TFPI: variants seen among roughly 807,000 people sequenced by gnomAD.
The protein encoded by TFPI is tissue factor pathway inhibitor.
A neutral mutation model predicts 34.6 loss-of-function variants in TFPI; 15 were observed. The ratio of observed to expected loss-of-function variants is 0.43; its 90% CI spans 0.29 to 0.67. TFPI has a LOEUF of 0.67. Ranked by LOEUF, TFPI falls within the 30% of genes least tolerant of loss-of-function variation. The pLI is 0.15. For synonymous variants in TFPI, 105 were observed against 120.1 expected (o/e 0.87, Z 0.82); for missense variants, 301 against 364.0 (o/e 0.83, Z 1.41).
intron 1 of TFPI, among the ~76,000 whole-genome samples, chr2:187,508,292 G>A (rs1686368577): frequency 6.6e-6 from 1 of 152,096 alleles, no homozygotes; most frequent in Admixed American, 6.5e-5. Flanking sequence ...TTGGCTATAT[G>A]GGCTGTTTTT....
chr2:187,512,387 T>C (rs1473365367), intron 1 of TFPI, among the ~76,000 whole-genome samples: 2 of 151,910 alleles, frequency 1.3e-5, no homozygotes, highest in Non-Finnish European at 2.9e-5. Flanking sequence ...CATTAACTAC[T>C]GAAAATTCCC....
chr2:187,469,171 A>T (rs8176586), intron 6 of TFPI, among the ~76,000 whole-genome samples: 8 of 152,104 alleles, frequency 5.3e-5, no homozygotes, highest in Non-Finnish European at 1.2e-4. Context: ...GAGTGTCTTG[A>T]TATAGTAACT....
At chr2:187,510,274 A>G (rs1235975772) in intron 1 of TFPI, among the ~76,000 whole-genome samples, 2 of 152,168 alleles carry the variant, frequency 1.3e-5, no homozygotes, top group East Asian at 1.9e-4. Context: ...GCACTCTACA[A>G]CTATTCTTCC....
At chr2:187,541,131 A>T (rs1399203196) in intron 1 of TFPI, among the ~76,000 whole-genome samples, 1 of 152,190 alleles carries the variant, frequency 6.6e-6, no homozygotes, top group Non-Finnish European at 1.5e-5. Context: ...TGTAAGACAT[A>T]AAACTAAAAA....
chr2:187,503,575 C>T, intron 2 of TFPI, 73 bp downstream of exon 2: 1 of 1,535,332 alleles, frequency 6.5e-7, no homozygotes, highest in Non-Finnish European at 8.8e-7. Flanking sequence ...CAATGGAAAA[C>T]TATGGTAGAT....
At chr2:187,488,464 T>G (rs1693453636) in intron 3 of TFPI, 89 bp from the exon 4 acceptor site, 1 of 760,070 alleles carries the variant, frequency 1.3e-6, no homozygotes, top group Non-Finnish European at 2.0e-6. Context: ...AGTGACATAT[T>G]TATTACCATT....
chr2:187,488,610 A>C (rs1693467885), intron 3 of TFPI, among the ~76,000 whole-genome samples: 1 of 151,420 alleles, frequency 6.6e-6, no homozygotes, highest in African/African-American at 2.4e-5. Flanking sequence ...ACTATGATAA[A>C]ACTTTCTAAC....
rs1283283533 is a variant in TFPI, at chr2:187,524,001, T to C, written c.-2-20231A>G. ...TGAAAGCTTTAGTTAAATGGAATAA[T>C]ATAATATCTGGCCTACTATGTCTGG... On this transcript the variant is annotated intron_variant, in intron 1 of 7. Coordinates refer to ENST00000233156, the MANE Select transcript of TFPI (RefSeq NM_006287.6). 2.0e-5 allele frequency among the ~76,000 whole-genome samples: 3 copies of C among 152,250 alleles called. No homozygotes were observed. The East Asian group carries it at 5.8e-4, about 29-fold the overall frequency.
intron 1 of TFPI, among the ~76,000 whole-genome samples, chr2:187,532,280 G>T (rs1406592304): frequency 1.3e-5 from 2 of 152,184 alleles, no homozygotes; most frequent in Non-Finnish European, 2.9e-5. Flanking sequence ...TAACTTTTGA[G>T]TTGCAGGCAA....
chr2:187,477,885 G>T (rs561184163), intron 6 of TFPI, among the ~76,000 whole-genome samples: 8 of 152,276 alleles, frequency 5.3e-5, no homozygotes, highest in African/African-American at 1.9e-4. Flanking sequence ...AGTAGCAAAA[G>T]GATCTTCAGG....
At position 187,497,094 on chromosome 2, in the gene TFPI, A is replaced by G. The variant is rs754556999; in HGVS notation, c.122-16T>C. ...AACTCCGTATCTATAAAGTAAAAAT[A>G]AAAGATATAACATGTAATCTCCATC... On this transcript the variant is annotated splice_polypyrimidine_tract_variant and intron_variant, in intron 2 of 7. Transcript: ENST00000233156. 4 of 1,599,020 alleles carry G rather than the reference A, an allele frequency of 2.5e-6. No homozygotes were observed. Among genetic ancestry groups the G allele is most frequent in the South Asian group, 1.1e-5 (1 of 89,828 alleles).
chr2:187,492,819 G>A (rs1436835403), intron 3 of TFPI, among the ~76,000 whole-genome samples: 1 of 152,158 alleles, frequency 6.6e-6, no homozygotes, highest in Non-Finnish European at 1.5e-5. Context: ...GATTTTACAA[G>A]CTCCTAGGCA....
At chr2:187,517,014 T>C (rs1348867799) in intron 1 of TFPI, 2 of 152,220 alleles carry the variant, frequency 1.3e-5, no homozygotes, top group African/African-American at 2.4e-5. Context: ...CCAGGCTGAA[T>C]AAAGCTCCTT....
intron 6 of TFPI, among the ~76,000 whole-genome samples, chr2:187,472,754 G>C (rs893043864): frequency 1.3e-5 from 2 of 152,212 alleles, no homozygotes; most frequent in Non-Finnish European, 2.9e-5. Context: ...GCTCACACCT[G>C]TAATCCCAGC....
At chr2:187,508,568 G>A (rs1005840209) in intron 1 of TFPI, among the ~76,000 whole-genome samples, 3 of 151,992 alleles carry the variant, frequency 2.0e-5, no homozygotes, top group Non-Finnish European at 2.9e-5. Context: ...TCTCTTTGTC[G>A]CAATTGTGAA....
At chr2:187,520,663 G>A (rs1196387708) in intron 1 of TFPI, 1 of 152,062 alleles carries the variant, frequency 6.6e-6, no homozygotes, top group African/African-American at 2.4e-5. Context: ...TTAAAAGAAT[G>A]GAGAATTATG....
intron 2 of TFPI, 40 bp from the exon 3 acceptor site, chr2:187,497,118 TC>T (rs756911350): frequency 6.5e-7 from 1 of 1,531,536 alleles, no homozygotes; most frequent in Admixed American, 1.8e-5. Context: ...GTAATCTCCA[TC>T]AACACTGTAA....
chr2:187,539,004 C>T (rs1688422873), intron 1 of TFPI, among the ~76,000 whole-genome samples: 1 of 152,024 alleles, frequency 6.6e-6, no homozygotes, highest in African/African-American at 2.4e-5. Flanking sequence ...TGAAAATTGT[C>T]ATTCAGAGAT....
chr2:187,494,644 C>T (rs1292792248), intron 3 of TFPI, among the ~76,000 whole-genome samples: 2 of 152,152 alleles, frequency 1.3e-5, no homozygotes, highest in Admixed American at 6.6e-5. Context: ...AAAGTCTAGC[C>T]ATATTTTTTC....
Sources: allele counts gnomAD v4.1 joint callset (sites outside exome capture counted in the v4.1 genomes callset), GRCh38; gene constraint gnomAD v4.1.1; transcripts MANE v1.5; gene names NCBI Gene and HGNC (gene_info 2026-07-23, HGNC 2026-07-21).